Variants in HERC5 observed in about 807,000 individuals in gnomAD.
HERC5 encodes E3 ISG15--protein ligase HERC5.
In HERC5, 99 loss-of-function variants were observed where a neutral mutation model predicts 119.6. The ratio of observed to expected loss-of-function variants is 0.83; its 90% CI spans 0.70 to 0.98. HERC5 has a LOEUF of 0.98. Ranked by LOEUF, HERC5 falls within the 50% of genes least tolerant of loss-of-function variation. The pLI is 0.00. For synonymous variants in HERC5, 478 were observed against 445.9 expected, an observed-to-expected ratio of 1.07 and a Z score of -0.91; for missense variants, 1,267 against 1,241.3, an observed-to-expected ratio of 1.02 and a Z score of -0.31.
At chr4:88,483,605 T>G (rs1741360580) in intron 13 of HERC5, among the ~76,000 whole-genome samples, 1 of 148,706 alleles carries the variant, frequency 6.7e-6, no homozygotes, top group Admixed American at 6.8e-5. Flanking sequence ...CTTGGCTTAC[T>G]GCAGCCTCTG....
At chr4:88,500,056 C>T in intron 19 of HERC5, 64 bp downstream of exon 19, 1 of 954,194 alleles carries the variant, frequency 1.0e-6, no homozygotes, top group Non-Finnish European at 1.6e-6. Flanking sequence ...ACATATTTAA[C>T]TAAACATGTC....
At chr4:88,493,229 G>T in intron 17 of HERC5, 74 bp downstream of exon 17, 1 of 1,326,302 alleles carries the variant, frequency 7.5e-7, no homozygotes. Flanking sequence ...AAATTAGTTT[G>T]TCTAGACTAT....
At chr4:88,469,315 C>A in intron 9 of HERC5, 55 bp downstream of exon 9, 2 of 1,195,462 alleles carry the variant, frequency 1.7e-6, no homozygotes, top group African/African-American at 1.5e-5. Flanking sequence ...TATCATTTCC[C>A]AAACTGGTTC....
At chr4:88,483,701 G>C (rs887412724) in intron 13 of HERC5, among the ~76,000 whole-genome samples, 1 of 151,360 alleles carries the variant, frequency 6.6e-6, no homozygotes, top group Admixed American at 6.6e-5. Flanking sequence ...GCTAATTTTT[G>C]AGTTTTTTGT....
At chr4:88,486,542 C>T (rs529368454) in intron 14 of HERC5, among the ~76,000 whole-genome samples, 1 of 152,304 alleles carries the variant, frequency 6.6e-6, no homozygotes, top group Non-Finnish European at 1.5e-5. Flanking sequence ...CATCAGGAGC[C>T]AAGAGCCAAG....
Position 88,487,196 on chromosome 4 carries a change from G to T in HERC5, c.1962+17G>T. Reference sequence around the variant, plus strand: ...AAAATAGAGGTATGTATGCCTATTTGTCTTCATTAGCATAAATCACATGCT... The same window carrying T: ...AAAATAGAGGTATGTATGCCTATTTTTCTTCATTAGCATAAATCACATGCT... On this transcript the variant is annotated intron_variant, in intron 15 of 22. Transcript: ENST00000264350. The T allele has an allele frequency of 7.4e-7, 1 of 1,343,876 alleles. No individual in the cohort carries two copies. The highest frequency in any genetic ancestry group is 1.1e-6 in the Non-Finnish European group (1 of 938,312). 83.2% of individuals were successfully genotyped at this position (1,343,876 alleles called of 1,614,324 possible).
rs758719606 is a variant in HERC5 at position 88,467,210 on chromosome 4, T to C, written c.1057+6T>C. 2 of 1,613,920 alleles carry C rather than the reference T, an allele frequency of 1.2e-6. No individual in the cohort carries two copies. The highest frequency in any genetic ancestry group is 1.1e-5 in the South Asian group (1 of 91,064). On this transcript the variant is annotated splice_donor_region_variant and intron_variant, in intron 7 of 22. Coordinates refer to ENST00000264350, the MANE Select transcript of HERC5 (RefSeq NM_016323.4). ...AAGTGAAGAACTCAAACTTGGTAAA[T>C]TCTATAGGAACATAGGGTTTGGCAT... is the stretch of plus-strand genomic sequence containing the variant.
chr4:88,500,411 T>C (rs969979810), intron 19 of HERC5, among the ~76,000 whole-genome samples: 1 of 152,212 alleles, frequency 6.6e-6, no homozygotes. Flanking sequence ...ATGGTGGCCT[T>C]AGGGTTACAG....
chr4:88,478,976 C>T (rs1482251469), intron 12 of HERC5, among the ~76,000 whole-genome samples: 1 of 151,652 alleles, frequency 6.6e-6, no homozygotes, highest in Non-Finnish European at 1.5e-5. Context: ...TATCCCATTA[C>T]ATTTTGTAGA....
At chr4:88,463,506 C>A in intron 4 of HERC5, 26 bp from the exon 5 acceptor site, 1 of 1,520,974 alleles carries the variant, frequency 6.6e-7, no homozygotes, top group Non-Finnish European at 9.1e-7. Context: ...CTTTTGGTCA[C>A]TTCAGCTATT....
chr4:88,464,170 T>A (rs1036648909), intron 6 of HERC5, among the ~76,000 whole-genome samples, 185 bp downstream of exon 6: 10 of 100,298 alleles, frequency 1.0e-4, no homozygotes, highest in Non-Finnish European at 1.9e-4. Context: ...TTTCTTTGAT[T>A]TTTTTTTTTT....
intron 18 of HERC5, among the ~76,000 whole-genome samples, chr4:88,497,363 A>C (rs146670892): frequency 4.6e-5 from 7 of 152,322 alleles, no homozygotes; most frequent in African/African-American, 1.2e-4. Context: ...TCAGAATGTT[A>C]GTAGAAACGT....
chr4:88,474,546 C>G (rs998950788), intron 11 of HERC5, among the ~76,000 whole-genome samples: 1 of 152,106 alleles, frequency 6.6e-6, no homozygotes, highest in African/African-American at 2.4e-5. Flanking sequence ...TACGTAACTC[C>G]AAAGACCGAA....
At chr4:88,469,322 G>A in intron 9 of HERC5, 62 bp downstream of exon 9, 1 of 1,079,768 alleles carries the variant, frequency 9.3e-7, no homozygotes, top group Non-Finnish European at 1.4e-6. Context: ...TCCCAAACTG[G>A]TTCTGCACAG....
At chr4:88,487,692 T>TA (rs1442418650) in intron 15 of HERC5, among the ~76,000 whole-genome samples, 2 of 152,148 alleles carry the variant, frequency 1.3e-5, no homozygotes, top group Non-Finnish European at 2.9e-5. Context: ...ACGGTACTGT[T>TA]ACTAGCTGAG....
intron 13 of HERC5, among the ~76,000 whole-genome samples, chr4:88,485,380 C>T (rs1331221697): frequency 6.6e-6 from 1 of 152,138 alleles, no homozygotes; most frequent in Non-Finnish European, 1.5e-5. Flanking sequence ...TCATCAGATC[C>T]AGAGGGCCAT....
At chr4:88,469,717 C>T (rs555193739) in intron 9 of HERC5, among the ~76,000 whole-genome samples, 1 of 152,162 alleles carries the variant, frequency 6.6e-6, no homozygotes, top group Non-Finnish European at 1.5e-5. Flanking sequence ...ACTCAGTTTA[C>T]CATTTTAAAT....
At chr4:88,472,646 T>G in intron 11 of HERC5, 144 bp downstream of exon 11, 1 of 654,402 alleles carries the variant, frequency 1.5e-6, no homozygotes, top group Non-Finnish European at 2.7e-6. Context: ...CAGATAACAT[T>G]TAGGAGTTTG....
chr4:88,493,290 C>A, intron 17 of HERC5, 135 bp downstream of exon 17: 1 of 716,314 alleles, frequency 1.4e-6, no homozygotes, highest in Non-Finnish European at 2.1e-6. Flanking sequence ...ATGTATAATT[C>A]TAATAAGGTG....
Sources: allele counts gnomAD v4.1 joint callset (sites outside exome capture counted in the v4.1 genomes callset), GRCh38; gene constraint gnomAD v4.1.1; transcripts MANE v1.5; gene names NCBI Gene and HGNC (gene_info 2026-07-23, HGNC 2026-07-21).